DLG2: variants seen among roughly 807,000 people sequenced by gnomAD.
DLG2 encodes discs large MAGUK scaffold protein 2.
DLG2 carries 45 observed loss-of-function variants against 132.5 expected under a neutral mutation model. The ratio of observed to expected loss-of-function variants is 0.34; its 90% CI spans 0.27 to 0.44. The LOEUF is 0.44. Ranked by LOEUF, DLG2 falls within the 20% of genes least tolerant of loss-of-function variation. DLG2 has a pLI of 1.00. For missense variants in DLG2, 1,045 were observed against 1,196.9 expected, an observed-to-expected ratio of 0.87 and a Z score of 1.87; for synonymous variants, 424 against 419.6, an observed-to-expected ratio of 1.01 and a Z score of -0.13.
At chr11:84,837,221 T>A (rs2079936258) in intron 6 of DLG2, among the ~76,000 whole-genome samples, 3 of 151,930 alleles carry the variant, frequency 2.0e-5, no homozygotes, top group South Asian at 4.1e-4. Context: ...GAAGAAATGG[T>A]CTAAAATGTG....
chr11:84,641,226 T>C (rs1265655457), intron 6 of DLG2, among the ~76,000 whole-genome samples: 1 of 152,092 alleles, frequency 6.6e-6, no homozygotes, highest in East Asian at 1.9e-4. Context: ...ATTCAAACTC[T>C]CTCTGTCTCA....
intron 6 of DLG2, among the ~76,000 whole-genome samples, chr11:84,878,498 T>G (rs578126574): frequency 1.4e-3 from 205 of 151,512 alleles, no homozygotes; most frequent in African/African-American, 4.7e-3. Flanking sequence ...TAAGTGGGAG[T>G]TGAACAATGA....
chr11:84,138,999 G>T (rs1338422706), intron 9 of DLG2, among the ~76,000 whole-genome samples: 1 of 149,556 alleles, frequency 6.7e-6, no homozygotes, highest in African/African-American at 2.5e-5. Context: ...CAATGGAAAA[G>T]GCTGGGTTTT....
At chr11:83,854,888 G>A (rs2060282825) in intron 16 of DLG2, among the ~76,000 whole-genome samples, 1 of 117,672 alleles carries the variant, frequency 8.5e-6, no homozygotes, top group Admixed American at 8.6e-5. Context: ...TAAATACTGA[G>A]AGAAAATGAT....
At chr11:83,566,235 A>G (rs2096707083) in intron 19 of DLG2, among the ~76,000 whole-genome samples, 1 of 152,208 alleles carries the variant, frequency 6.6e-6, no homozygotes, top group African/African-American at 2.4e-5. Flanking sequence ...CCCAGTGATG[A>G]TGATAGATAC....
intron 11 of DLG2, among the ~76,000 whole-genome samples, chr11:84,036,631 A>T (rs1430231965): frequency 6.6e-6 from 1 of 152,138 alleles, no homozygotes. Flanking sequence ...AGCCCAGATA[A>T]TTTTTATTTT....
intron 6 of DLG2, among the ~76,000 whole-genome samples, chr11:84,604,632 C>T (rs999857452): frequency 3.3e-5 from 5 of 151,630 alleles, no homozygotes; most frequent in Non-Finnish European, 7.4e-5. Context: ...AAAAATAAAC[C>T]AGAAAGTAAA....
At chr11:84,890,111 T>C (rs544922297) in intron 6 of DLG2, among the ~76,000 whole-genome samples, 1 of 152,226 alleles carries the variant, frequency 6.6e-6, no homozygotes, top group Non-Finnish European at 1.5e-5. Context: ...AAACCCTTTT[T>C]ATTTTCTAGA....
intron 10 of DLG2, among the ~76,000 whole-genome samples, chr11:84,061,414 G>A (rs555278632): frequency 1.8e-4 from 27 of 152,042 alleles, no homozygotes; most frequent in Non-Finnish European, 3.5e-4. Context: ...TAACTTTGTG[G>A]AATAAAACTT....
At chr11:84,320,546 G>A (rs982917030) in intron 7 of DLG2, among the ~76,000 whole-genome samples, 10 of 152,102 alleles carry the variant, frequency 6.6e-5, no homozygotes, top group Non-Finnish European at 1.0e-4. Flanking sequence ...TAAGAAATCC[G>A]CATTCTTTTA....
chr11:85,285,443 T>TGC, intron 3 of DLG2, 78 bp from the exon 4 acceptor site: 2 of 1,361,258 alleles, frequency 1.5e-6, no homozygotes, highest in Non-Finnish European at 2.0e-6. Context: ...TGTCCATATA[T>TGC]AGACATACAG....
At chr11:85,060,887 T>C (rs779742178) in intron 6 of DLG2, among the ~76,000 whole-genome samples, 9 of 151,494 alleles carry the variant, frequency 5.9e-5, no homozygotes, top group Non-Finnish European at 1.3e-4. Flanking sequence ...TTTGTTTGTT[T>C]TGTTTTTGGT....
At chr11:84,416,345 T>A (rs2098929632) in intron 7 of DLG2, among the ~76,000 whole-genome samples, 1 of 152,318 alleles carries the variant, frequency 6.6e-6, no homozygotes, top group Non-Finnish European at 1.5e-5. Flanking sequence ...TCCAGAGATG[T>A]GTGCTGAGAT....
chr11:85,386,550 A>G (rs1032692520), intron 3 of DLG2, among the ~76,000 whole-genome samples: 3 of 152,192 alleles, frequency 2.0e-5, no homozygotes, highest in Admixed American at 1.3e-4. Flanking sequence ...TAATATATGT[A>G]AAGTACAGTT....
chr11:84,540,494 T>C (rs923146266), intron 6 of DLG2, among the ~76,000 whole-genome samples: 4 of 152,106 alleles, frequency 2.6e-5, no homozygotes, highest in African/African-American at 9.7e-5. Flanking sequence ...CACAATGAGA[T>C]ACCATCTCAC....
intron 7 of DLG2, among the ~76,000 whole-genome samples, chr11:84,530,451 A>G (rs1395504819): frequency 6.6e-6 from 1 of 152,224 alleles, no homozygotes; most frequent in Non-Finnish European, 1.5e-5. Flanking sequence ...ATCCTTTAAA[A>G]AAAGTGGGAA....
At chr11:85,626,794 A>G (rs894912099) in intron 1 of DLG2, 41 bp from the exon 2 acceptor site, 12 of 152,190 alleles carry the variant, frequency 7.9e-5, no homozygotes, top group African/African-American at 2.4e-4. Flanking sequence ...TTTTTCCACA[A>G]CTAAACTTTT....
At chr11:85,480,052 G>T (rs1417521631) in intron 3 of DLG2, among the ~76,000 whole-genome samples, 1 of 152,074 alleles carries the variant, frequency 6.6e-6, no homozygotes, top group African/African-American at 2.4e-5. Flanking sequence ...TGTGGGGGAG[G>T]GGACACAATA....
chr11:84,431,391 A>G (rs1184834460), intron 7 of DLG2, among the ~76,000 whole-genome samples: 1 of 152,280 alleles, frequency 6.6e-6, no homozygotes, highest in East Asian at 1.9e-4. Flanking sequence ...CACAGTTCTC[A>G]GCTCATAGAA....
Sources: gnomAD v4.1 joint callset for allele counts (sites outside exome capture counted in the v4.1 genomes callset) on GRCh38, gnomAD v4.1.1 for gene constraint, MANE v1.5 for transcripts, NCBI Gene and HGNC (gene_info 2026-07-23, HGNC 2026-07-21) for gene names.